The following CNGA1 variants were observed in gnomAD, a reference collection of about 807,000 sequenced individuals.
CNGA1 encodes the protein cyclic nucleotide-gated channel alpha-1.
In CNGA1, 53 loss-of-function variants were observed where a neutral mutation model predicts 69.7. That is an observed-to-expected ratio of 0.76 (90% confidence interval 0.61 to 0.96). The LOEUF (loss-of-function observed/expected upper bound fraction) is 0.96. Ranked by LOEUF, CNGA1 falls within the 40% of genes least tolerant of loss-of-function variation. The pLI is 0.00. For missense variants in CNGA1, 739 were observed against 811.2 expected, an observed-to-expected ratio of 0.91 and a Z score of 1.08; for synonymous variants, 249 against 283.5, an observed-to-expected ratio of 0.88 and a Z score of 1.22.
intron 9 of CNGA1, 111 bp from the exon 10 acceptor site, chr4:47,940,980 C>A: frequency 1.4e-6 from 1 of 709,344 alleles, no homozygotes; most frequent in Non-Finnish European, 2.5e-6. Flanking sequence ...CACACTCAGG[C>A]TAGGAGAGGT....
chr4:48,009,761 G>GCC (rs762081277), intron 2 of CNGA1, among the ~76,000 whole-genome samples: 3 of 152,142 alleles, frequency 2.0e-5, no homozygotes, highest in Non-Finnish European at 2.9e-5. Flanking sequence ...CCAAGATCAT[G>GCC]CCATTGCACT....
At chr4:48,001,338 A>G (rs1172235136) in intron 2 of CNGA1, among the ~76,000 whole-genome samples, 1 of 152,094 alleles carries the variant, frequency 6.6e-6, no homozygotes, top group Non-Finnish European at 1.5e-5. Flanking sequence ...GTGTGGTGGC[A>G]TGCACCTGTA....
chr4:48,012,033 C>A (rs1715188806), intron 1 of CNGA1, among the ~76,000 whole-genome samples: 1 of 152,156 alleles, frequency 6.6e-6, no homozygotes, highest in South Asian at 2.1e-4. Flanking sequence ...TTCTCCCCTA[C>A]AAAGAACAGC....
At chr4:47,987,964 T>A (rs1054949100) in intron 2 of CNGA1, among the ~76,000 whole-genome samples, 1 of 152,142 alleles carries the variant, frequency 6.6e-6, no homozygotes, top group Admixed American at 6.6e-5. Context: ...AAGAGGGATT[T>A]AAAGAGTTAA....
Position 47,936,459 on chromosome 4 carries a change from C to G in CNGA1, c.2023G>C (p.Gly675Arg). 6.2e-7 allele frequency: 1 copy of G among 1,614,162 alleles called. No homozygotes were observed. Among genetic ancestry groups the G allele is most frequent in the Non-Finnish European group, 8.5e-7 (1 of 1,180,034 alleles). Residue 675 changes from glycine to arginine, a missense_variant, in exon 11 of 11, where the codon GGA becomes CGA. Transcript: ENST00000514170. Reference protein sequence around the residue: ...LIDTEFSSIEGPGAESGPIDS... With the variant: ...LIDTEFSSIERPGAESGPIDS... Reference sequence around the variant, plus strand: ...ATGGGCCCACTTTCCGCTCCAGGTCCCTCAATACTTGAAAATTCTGTGTCA... The same window carrying G: ...ATGGGCCCACTTTCCGCTCCAGGTCGCTCAATACTTGAAAATTCTGTGTCA...
rs769774868 is a variant in CNGA1, at chr4:47,943,190, T to A, written c.428A>T (p.Lys143Met). 5.6e-6 allele frequency: 9 copies of A among 1,603,280 alleles called. No individual in the cohort carries two copies. The South Asian group carries it at 1.0e-4, about 18-fold the overall frequency. The change falls in exon 8 of 11, where the codon AAG becomes ATG. Residue 143 changes from lysine (K) to methionine (M), a missense_variant. Lys to Met is a moderately conservative substitution (Grantham distance 95, BLOSUM62 -1). Coordinates refer to ENST00000514170, the MANE Select transcript of CNGA1 (RefSeq NM_001379270.1). Reference protein sequence around the residue: ...KKKKEEKSKDKKEEEKKEVVV... With the variant: ...KKKKEEKSKDMKEEEKKEVVV... Reference sequence around the variant, plus strand: ...CACTAAAAGTGCTTACTCTTCTTTCTTATCTTTGCTTTTCTCCTCTTTCTT... The same window carrying A: ...CACTAAAAGTGCTTACTCTTCTTTCATATCTTTGCTTTTCTCCTCTTTCTT...
chr4:48,004,560 T>C (rs1029864282), intron 2 of CNGA1, among the ~76,000 whole-genome samples: 3 of 152,186 alleles, frequency 2.0e-5, no homozygotes, highest in Admixed American at 2.0e-4. Flanking sequence ...GGATGGTTTA[T>C]TCCTAGATGG....
At chr4:47,960,337 A>G (rs1241342342) in intron 3 of CNGA1, among the ~76,000 whole-genome samples, 2 of 152,168 alleles carry the variant, frequency 1.3e-5, no homozygotes, top group African/African-American at 4.8e-5. Flanking sequence ...GTTACCTACA[A>G]ACACACAACT....
At chr4:47,983,402 A>G (rs1741831635) in intron 2 of CNGA1, among the ~76,000 whole-genome samples, 1 of 152,006 alleles carries the variant, frequency 6.6e-6, no homozygotes, top group Non-Finnish European at 1.5e-5. Context: ...CAGCCTGACC[A>G]ACATGAGGAA....
chr4:47,985,365 C>G (rs1741933009), intron 2 of CNGA1, among the ~76,000 whole-genome samples: 1 of 152,108 alleles, frequency 6.6e-6, no homozygotes, highest in African/African-American at 2.4e-5. Flanking sequence ...GCAGTCCTAC[C>G]TACCTCATAC....
At chr4:47,938,314 G>GATAT (rs10558013) in intron 10 of CNGA1, among the ~76,000 whole-genome samples, 27 of 149,470 alleles carry the variant, frequency 1.8e-4, no homozygotes, top group African/African-American at 5.2e-4. Context: ...GATATTGTGA[G>GATAT]ATATATATAT....
In CNGA1 at chr4:47,959,861, C is replaced by T. The variant is rs187677437; in HGVS notation, c.-14-7158G>A. 4.9e-4 allele frequency among the ~76,000 whole-genome samples: 75 copies of T among 152,262 alleles called. No individual in the cohort carries two copies. In the East Asian group the frequency reaches 0.014, roughly 28 times the overall value. On this transcript the variant is annotated intron_variant, in intron 3 of 10. Transcript: ENST00000514170. ...CCTCAAGCGACCTGCCCGCCTTGGC[C>T]TCCCAAAGTGCTGGGATTACAGTTG... is the stretch of plus-strand genomic sequence containing the variant.
intron 3 of CNGA1, among the ~76,000 whole-genome samples, chr4:47,958,408 T>C (rs1740223047): frequency 6.6e-6 from 1 of 152,094 alleles, no homozygotes; most frequent in Admixed American, 6.5e-5. Flanking sequence ...GCTGATCACC[T>C]GAAGTCAAGA....
chr4:47,953,895 GCC>G (rs1560627332), intron 3 of CNGA1, among the ~76,000 whole-genome samples: 26 of 151,508 alleles, frequency 1.7e-4, no homozygotes, highest in Non-Finnish European at 3.1e-4. Flanking sequence ...CCACACTCGG[GCC>G]TTATGCCCTC....
chr4:47,945,989 G>T (rs867659737), intron 6 of CNGA1, among the ~76,000 whole-genome samples: 21 of 152,272 alleles, frequency 1.4e-4, no homozygotes, highest in Middle Eastern at 3.4e-3. Flanking sequence ...ATACAAAAGG[G>T]AAATGTATAT....
chr4:48,013,915 CA>C (rs1345099117), intron 1 of CNGA1, among the ~76,000 whole-genome samples: 1 of 152,168 alleles, frequency 6.6e-6, no homozygotes, highest in Non-Finnish European at 1.5e-5. Flanking sequence ...TGTAGCAACT[CA>C]GGGGTTAACC....
chr4:47,947,014 T>C (rs1419925418), intron 6 of CNGA1, among the ~76,000 whole-genome samples: 1 of 152,168 alleles, frequency 6.6e-6, no homozygotes, highest in African/African-American at 2.4e-5. Context: ...TCTCGATTCC[T>C]GACCTTAGGT....
intron 3 of CNGA1, among the ~76,000 whole-genome samples, chr4:47,977,118 G>A (rs752066453): frequency 1.3e-5 from 2 of 152,200 alleles, no homozygotes; most frequent in Non-Finnish European, 2.9e-5. Flanking sequence ...GCTGAATTGT[G>A]TGCCCCCAAA....
At chr4:47,993,959 T>C (rs775956296) in intron 2 of CNGA1, among the ~76,000 whole-genome samples, 9 of 152,194 alleles carry the variant, frequency 5.9e-5, no homozygotes, top group Non-Finnish European at 1.0e-4. Flanking sequence ...AGGAGCAGGT[T>C]ATTTAATTTC....
Sources: allele counts gnomAD v4.1 joint callset (sites outside exome capture counted in the v4.1 genomes callset), GRCh38; gene constraint gnomAD v4.1.1; transcripts MANE v1.5; gene names NCBI Gene and HGNC (gene_info 2026-07-23, HGNC 2026-07-21).